Variants in CASK observed in about 807,000 individuals in gnomAD.
The protein encoded by CASK is peripheral plasma membrane protein CASK.
In CASK, 4 loss-of-function variants were observed where a neutral mutation model predicts 82.9. The ratio of observed to expected loss-of-function variants is 0.05; its 90% CI spans 0.02 to 0.11. The LOEUF is 0.11. Among genes scored for constraint, CASK ranks in the 10% least tolerant of loss-of-function variants. The pLI is 1.00. For missense variants in CASK, 358 were observed against 720.9 expected, an observed-to-expected ratio of 0.50 and a Z score of 5.76; for synonymous variants, 259 against 253.5, an observed-to-expected ratio of 1.02 and a Z score of -0.20.
chrX:41,765,952 G>C (rs907360011), intron 3 of CASK, among the ~76,000 whole-genome samples: 1 of 111,987 alleles, frequency 8.9e-6, no homozygotes, highest in Non-Finnish European at 1.9e-5. Context: ...TCAGTGGATT[G>C]TATCAATGTC....
intron 9 of CASK, among the ~76,000 whole-genome samples, chrX:41,635,035 A>ATAG (rs1197732383): frequency 1.8e-5 from 2 of 111,930 alleles, no homozygotes; most frequent in Non-Finnish European, 3.8e-5. Flanking sequence ...CCCTTGTTCT[A>ATAG]TAGTAGCATG....
chrX:41,701,879 A>C (rs2067798973), intron 5 of CASK, among the ~76,000 whole-genome samples: 1 of 112,460 alleles, frequency 8.9e-6, no homozygotes, highest in Non-Finnish European at 1.9e-5. Context: ...TGTAAGCAGC[A>C]ACTGTATTTT....
At chrX:41,597,297 T>A (rs1388101720) in intron 12 of CASK, among the ~76,000 whole-genome samples, 1 of 112,515 alleles carries the variant, frequency 8.9e-6, no homozygotes, top group Non-Finnish European at 1.9e-5. Flanking sequence ...CTTTTGCAAC[T>A]ATACTGTAGG....
chrX:41,753,166 C>T (rs1309333807), intron 3 of CASK, among the ~76,000 whole-genome samples: 2 of 111,677 alleles, frequency 1.8e-5, no homozygotes, highest in Non-Finnish European at 1.9e-5. Flanking sequence ...TAAGTAGATG[C>T]AGTGTGAAGC....
intron 3 of CASK, among the ~76,000 whole-genome samples, chrX:41,783,647 C>T (rs1488210138): frequency 9.0e-6 from 1 of 111,500 alleles, no homozygotes; most frequent in African/African-American, 3.3e-5. Flanking sequence ...CTTCAGGCCC[C>T]TTGGAAGGAT....
chrX:41,678,935 A>G (rs75097613), intron 5 of CASK, among the ~76,000 whole-genome samples: 1 of 108,550 alleles, frequency 9.2e-6, no homozygotes, highest in Non-Finnish European at 1.9e-5. Context: ...AAAAAAAAAA[A>G]GCCAGTTTTG....
rs757019520 is a variant in CASK, at chrX:41,636,358, T to TAA, written c.915+219_915+220insTT. ...AGACAAATCTAAAATACAACTAATCTTCTATTATAATTTATTGTTCAGACT... is the reference window on the plus strand; with the variant it reads ...AGACAAATCTAAAATACAACTAATCTAATCTATTATAATTTATTGTTCAGACT... On this transcript the variant is annotated intron_variant, in intron 9 of 26. Transcript: ENST00000378163. Among the ~76,000 whole-genome samples, 26 of 112,157 alleles carry TAA rather than the reference T, an allele frequency of 2.3e-4. No individual in the cohort carries two copies. The East Asian group carries it at 7.2e-3, about 31-fold the overall frequency.
intron 22 of CASK, among the ~76,000 whole-genome samples, chrX:41,539,616 G>T (rs1167356680): frequency 8.9e-6 from 1 of 112,357 alleles, no homozygotes; most frequent in East Asian, 2.8e-4. Flanking sequence ...TGGAAGTCAA[G>T]AGTATTTGTT....
At chrX:41,755,487 T>C (rs2068877709) in intron 3 of CASK, among the ~76,000 whole-genome samples, 1 of 112,044 alleles carries the variant, frequency 8.9e-6, no homozygotes, top group African/African-American at 3.2e-5. Flanking sequence ...AGATGAAAGA[T>C]TATGTGGTCA....
At chrX:41,845,960 G>A (rs987185138) in intron 2 of CASK, among the ~76,000 whole-genome samples, 52 of 111,629 alleles carry the variant, frequency 4.7e-4, no homozygotes, top group African/African-American at 1.6e-3. Flanking sequence ...GGTAACCCTC[G>A]TACGCTGTTG....
intron 10 of CASK, 53 bp downstream of exon 10, chrX:41,626,551 G>A (rs1308294595): frequency 6.8e-6 from 5 of 730,974 alleles, no homozygotes; most frequent in Non-Finnish European, 1.1e-5. Flanking sequence ...GGGAGAGAAT[G>A]GATGTAAATG....
At chrX:41,560,427 C>T (rs1002644501) in intron 17 of CASK, among the ~76,000 whole-genome samples, 3 of 106,590 alleles carry the variant, frequency 2.8e-5, no homozygotes, top group Non-Finnish European at 5.8e-5. Flanking sequence ...CCATGCCTTG[C>T]TAATGTTTGT....
intron 8 of CASK, among the ~76,000 whole-genome samples, chrX:41,659,769 C>T (rs1187423164): frequency 9.0e-6 from 1 of 110,600 alleles, no homozygotes; most frequent in Non-Finnish European, 1.9e-5. Flanking sequence ...GAAGCTGAGG[C>T]GGGCAGATCG....
chrX:41,531,630 A>C (rs763645224), intron 24 of CASK, among the ~76,000 whole-genome samples: 4 of 112,749 alleles, frequency 3.5e-5, no homozygotes, highest in African/African-American at 1.3e-4. Context: ...AAATTAAATA[A>C]AATTCAAATT....
chrX:41,743,294 T>C (rs2147729291), intron 4 of CASK, among the ~76,000 whole-genome samples: 1 of 111,680 alleles, frequency 9.0e-6, no homozygotes, highest in African/African-American at 3.3e-5. Context: ...TCACTAGTAT[T>C]GACTATTTTT....
intron 2 of CASK, among the ~76,000 whole-genome samples, chrX:41,838,914 T>C (rs1415268522): frequency 8.9e-6 from 1 of 111,859 alleles, no homozygotes; most frequent in African/African-American, 3.3e-5. Context: ...AATTACTCTT[T>C]CTTCATTGAA....
intron 15 of CASK, among the ~76,000 whole-genome samples, chrX:41,573,930 C>A (rs542389111): frequency 9.3e-6 from 1 of 107,744 alleles, no homozygotes; most frequent in Non-Finnish European, 1.9e-5. Flanking sequence ...CTTCCCTGAG[C>A]GCTCTACACA....
chrX:41,840,185 T>C (rs2071005926), intron 2 of CASK, among the ~76,000 whole-genome samples: 1 of 112,209 alleles, frequency 8.9e-6, no homozygotes, highest in Non-Finnish European at 1.9e-5. Context: ...AACTGATTCT[T>C]AACAACATTG....
chrX:41,695,723 C>T (rs781610719), intron 5 of CASK: 32 of 1,203,566 alleles, frequency 2.7e-5, no homozygotes, highest in Non-Finnish European at 3.4e-5. Flanking sequence ...CCAATCATAG[C>T]GACCAACCGC....
Sources: allele counts gnomAD v4.1 joint callset (sites outside exome capture counted in the v4.1 genomes callset), GRCh38; gene constraint gnomAD v4.1.1; transcripts MANE v1.5; gene names NCBI Gene and HGNC (gene_info 2026-07-23, HGNC 2026-07-21).